The following CRACR2A variants were observed in gnomAD, a reference collection of about 807,000 sequenced individuals.
CRACR2A encodes calcium release activated channel regulator 2A.
In CRACR2A, 79 loss-of-function variants were observed where a neutral mutation model predicts 90.5. The observed-to-expected ratio is 0.87, with a 90% confidence interval of 0.73 to 1.05. The LOEUF is 1.05. Among genes scored for constraint, CRACR2A ranks in the 50% least tolerant of loss-of-function variants. CRACR2A has a pLI of 0.00. For synonymous variants in CRACR2A, 338 were observed against 356.7 expected, an observed-to-expected ratio of 0.95 and a Z score of 0.59; for missense variants, 823 against 897.2, an observed-to-expected ratio of 0.92 and a Z score of 1.06.
chr12:3,624,737 C>G (rs1397184465), intron 17 of CRACR2A, among the ~76,000 whole-genome samples: 2 of 152,198 alleles, frequency 1.3e-5, no homozygotes, highest in Admixed American at 6.5e-5. Flanking sequence ...CAGGGTCATC[C>G]CTGGACCACC....
intron 2 of CRACR2A, among the ~76,000 whole-genome samples, chr12:3,719,721 T>C (rs1946129040): frequency 6.6e-6 from 1 of 152,226 alleles, no homozygotes; most frequent in African/African-American, 2.4e-5. Flanking sequence ...AATCCTGCCA[T>C]ATCCAAATAA....
intron 15 of CRACR2A, 131 bp from the exon 16 acceptor site, chr12:3,627,837 G>T: frequency 1.1e-6 from 1 of 910,422 alleles, no homozygotes; most frequent in Non-Finnish European, 1.7e-6. Flanking sequence ...TGCAGCTCGT[G>T]GGAGGCAAAA....
chr12:3,661,796 G>A (rs942935614), intron 7 of CRACR2A, among the ~76,000 whole-genome samples: 2 of 152,050 alleles, frequency 1.3e-5, no homozygotes, highest in Non-Finnish European at 2.9e-5. Context: ...ATATAAATAC[G>A]GTAAAACTAA....
chr12:3,698,176 T>C (rs1157463445), intron 3 of CRACR2A, among the ~76,000 whole-genome samples: 1 of 152,230 alleles, frequency 6.6e-6, no homozygotes, highest in Non-Finnish European at 1.5e-5. Context: ...AATAACATCC[T>C]TGGATTTTTT....
intron 15 of CRACR2A, among the ~76,000 whole-genome samples, chr12:3,629,145 T>C (rs36096839): frequency 0.26 from 40,127 of 151,952 alleles, 5,739 homozygotes; most frequent in South Asian, 0.39. Flanking sequence ...CATGCACACA[T>C]ATGCATATGT....
Position 3,678,413 on chromosome 12 carries a change from T to C in CRACR2A, c.524+502A>G, listed in dbSNP as rs199870918. ...GTTTGCCGAGGATACCGTGTGCAAA[T>C]GCTTCCACATGATGGGTTTTGGCCA... On this transcript the variant is annotated intron_variant, in intron 6 of 19. Coordinates refer to ENST00000440314, the MANE Select transcript of CRACR2A (RefSeq NM_001144958.2). Among the ~76,000 whole-genome samples the C allele has an allele frequency of 5.9e-5, 9 of 152,304 alleles. No individual in the cohort carries two copies. The East Asian group carries it at 1.7e-3, about 29-fold the overall frequency.
intron 4 of CRACR2A, among the ~76,000 whole-genome samples, 199 bp downstream of exon 4, chr12:3,696,573 G>T (rs1046982705): frequency 6.6e-6 from 1 of 152,194 alleles, no homozygotes; most frequent in African/African-American, 2.4e-5. Context: ...CCTGGAATCT[G>T]ACAGCAAGTA....
chr12:3,636,941 G>A lies in CRACR2A; in HGVS notation c.1602+1183C>T, dbSNP rs915194301. ...CTCAGTTCTCAATGGCTGCCGCGGCGTGCAGGGCGGAGCCTCTTTCACACT... is the reference window on the plus strand; with the variant it reads ...CTCAGTTCTCAATGGCTGCCGCGGCATGCAGGGCGGAGCCTCTTTCACACT... On this transcript the variant is annotated intron_variant, in intron 14 of 19. Coordinates refer to ENST00000440314, the MANE Select transcript of CRACR2A (RefSeq NM_001144958.2). Among the ~76,000 whole-genome samples the A allele has an allele frequency of 5.9e-5, 9 of 152,354 alleles. No individual in the cohort carries two copies. The East Asian group carries it at 7.7e-4, about 13-fold the overall frequency.
chr12:3,667,194 G>A (rs1055583637), intron 7 of CRACR2A, among the ~76,000 whole-genome samples: 3 of 152,198 alleles, frequency 2.0e-5, no homozygotes, highest in African/African-American at 7.2e-5. Context: ...AAGAAAATGA[G>A]GGTCAAAACA....
At chr12:3,745,322 T>G (rs2137913938) in intron 1 of CRACR2A, among the ~76,000 whole-genome samples, 1 of 152,312 alleles carries the variant, frequency 6.6e-6, no homozygotes, top group South Asian at 2.1e-4. Flanking sequence ...TGACCGTGAT[T>G]CAGATGACAC....
intron 3 of CRACR2A, among the ~76,000 whole-genome samples, chr12:3,699,665 TAAC>T (rs1945803029): frequency 6.6e-6 from 1 of 152,204 alleles, no homozygotes; most frequent in Non-Finnish European, 1.5e-5. Flanking sequence ...GCCCACCTGG[TAAC>T]AACAGGTGAT....
Position 3,647,414 on chromosome 12 carries a change from G to C in CRACR2A, c.1118+1128C>G, listed in dbSNP as rs117474667. 7.1e-4 allele frequency among the ~76,000 whole-genome samples: 108 copies of C among 152,242 alleles called. 1 individual carries two copies. The East Asian group carries it at 0.02, about 28-fold the overall frequency. Reference sequence around the variant, plus strand: ...AAAGACCCATAAGTATTTGTAGAGAGCTGCCTTGTCATTCTCCCCTGCTCA... The same window carrying C: ...AAAGACCCATAAGTATTTGTAGAGACCTGCCTTGTCATTCTCCCCTGCTCA... On this transcript the variant is annotated intron_variant, in intron 11 of 19. Transcript: ENST00000440314.
intron 6 of CRACR2A, among the ~76,000 whole-genome samples, chr12:3,677,548 C>T (rs1012891848): frequency 6.6e-6 from 1 of 152,184 alleles, no homozygotes; most frequent in Non-Finnish European, 1.5e-5. Context: ...CCCTTCCTTC[C>T]GTTACGGTGC....
chr12:3,645,667 C>T (rs1014428941), intron 11 of CRACR2A, among the ~76,000 whole-genome samples: 1 of 152,152 alleles, frequency 6.6e-6, no homozygotes, highest in African/African-American at 2.4e-5. Context: ...CATTGGCAAC[C>T]TGGGTAAGAA....
At chr12:3,706,561 T>C (rs1945925394) in intron 3 of CRACR2A, among the ~76,000 whole-genome samples, 1 of 152,212 alleles carries the variant, frequency 6.6e-6, no homozygotes, top group Non-Finnish European at 1.5e-5. Flanking sequence ...TTTCCTCATC[T>C]GTAAAATGAA....
intron 18 of CRACR2A, 93 bp downstream of exon 18, chr12:3,619,178 C>G: frequency 7.1e-6 from 7 of 990,840 alleles, no homozygotes; most frequent in Non-Finnish European, 1.0e-5. Flanking sequence ...CATGGCACTT[C>G]CAGAGAAAGT....
chr12:3,627,327 A>T lies in CRACR2A; in HGVS notation c.1932+109T>A, dbSNP rs973406200. ...CATCAGTTTGTTCCTGGAAAAGGCA[A>T]GTTCCGAATCAGATTTTGAAAATGC... is the stretch of plus-strand genomic sequence containing the variant. On this transcript the variant is annotated intron_variant, in intron 17 of 19. Coordinates refer to ENST00000440314, the MANE Select transcript of CRACR2A (RefSeq NM_001144958.2). The T allele has an allele frequency of 8.9e-6, 7 of 786,956 alleles. No homozygotes were observed. The Admixed American group carries it at 1.6e-4, about 18-fold the overall frequency. The allele number at this position is 786,956 out of a possible 1,614,324, so 48.7% of individuals were successfully genotyped here.
At chr12:3,725,785 C>T (rs1019731417) in intron 2 of CRACR2A, 4 of 152,210 alleles carry the variant, frequency 2.6e-5, no homozygotes, top group Non-Finnish European at 5.9e-5. Flanking sequence ...CTTCAATTCC[C>T]CAGTTTCTCA....
intron 2 of CRACR2A, among the ~76,000 whole-genome samples, chr12:3,715,157 G>A (rs78949375): frequency 0.012 from 1,879 of 152,340 alleles, 44 homozygotes; most frequent in African/African-American, 0.042. Flanking sequence ...GGGATATGGC[G>A]AAGAAGCAAA....
Sources: allele counts gnomAD v4.1 joint callset (sites outside exome capture counted in the v4.1 genomes callset), GRCh38; gene constraint gnomAD v4.1.1; transcripts MANE v1.5; gene names NCBI Gene and HGNC (gene_info 2026-07-23, HGNC 2026-07-21).